ADAMTS2: variants seen among roughly 807,000 people sequenced by gnomAD.
The protein encoded by ADAMTS2 is ADAM metallopeptidase with thrombospondin type 1 motif 2.
Under a neutral mutation model 123.0 loss-of-function variants are expected in ADAMTS2, and 50 were observed. The observed-to-expected ratio is 0.41, with a 90% CI of 0.32 to 0.51. The LOEUF (loss-of-function observed/expected upper bound fraction) is 0.51, where lower values mean the gene tolerates loss of function less well. Among genes scored for constraint, ADAMTS2 ranks in the 20% least tolerant of loss-of-function variants. The pLI is 0.35. For synonymous variants in ADAMTS2, 678 were observed against 695.4 expected (o/e 0.98, Z 0.39); for missense variants, 1,494 against 1,705.2 (o/e 0.88, Z 2.18).
chr5:179,215,292 T>C (rs1003064341), intron 3 of ADAMTS2, among the ~76,000 whole-genome samples: 2 of 151,920 alleles, frequency 1.3e-5, no homozygotes. Context: ...CTACTAAAAA[T>C]ACAAAATTAG....
rs190722452 is a variant in ADAMTS2, at chr5:179,140,027, A to G, written c.1638T>C (p.Phe546=). 6.2e-7 allele frequency: 1 copy of G among 1,614,018 alleles called. No individual in the cohort carries two copies. The highest frequency in any genetic ancestry group is 2.2e-5 in the East Asian group (1 of 44,876). The change falls in exon 11 of 22, where the codon TTT becomes TTC. Residue 546 remains phenylalanine (F), a synonymous_variant. Coordinates refer to ENST00000251582, the MANE Select transcript of ADAMTS2 (RefSeq NM_014244.5). The part of the protein sequence containing the change: ...GTMCAPGKHC[F]KGHCIWLTPD... The stretch of plus-strand genomic sequence containing the variant: ...GTGTCAGCCAGATGCAGTGTCCTTT[A>G]AAACAATGCTGAAAGACAGGAAGCC...
In ADAMTS2 at chr5:179,158,581, C is replaced by A; in HGVS notation, c.1132+142G>T. On this transcript the variant is annotated intron_variant, in intron 6 of 21. Coordinates refer to ENST00000251582, the MANE Select transcript of ADAMTS2 (RefSeq NM_014244.5). This position sits in a 1 kb window ranked among gnomAD's most constrained non-coding sequence, Gnocchi z 5.0. ...TTGTCCATCAGTGCACTGCCCCACA[C>A]CCTCACCCAGCTAAGGTGGCCACGG... The A allele has an allele frequency of 9.3e-7, 1 of 1,077,462 alleles. No homozygotes were observed. The highest frequency in any genetic ancestry group is 1.4e-6 in the Non-Finnish European group (1 of 719,154). The allele number at this position is 1,077,462 out of a possible 1,614,324, so 66.7% of individuals were successfully genotyped here.
intron 2 of ADAMTS2, among the ~76,000 whole-genome samples, chr5:179,319,268 C>T (rs116091143): frequency 5.8e-4 from 88 of 152,330 alleles, no homozygotes; most frequent in African/African-American, 2.0e-3. Context: ...CACATGTGCA[C>T]TACACACAAG....
intron 2 of ADAMTS2, among the ~76,000 whole-genome samples, chr5:179,286,505 C>T (rs1213842224): frequency 6.6e-6 from 1 of 152,060 alleles, no homozygotes; most frequent in African/African-American, 2.4e-5. Flanking sequence ...TGCTTCCTTA[C>T]CAGATTCCCC....
At chr5:179,126,703 A>G (rs1762865783) in intron 17 of ADAMTS2, among the ~76,000 whole-genome samples, 1 of 152,242 alleles carries the variant, frequency 6.6e-6, no homozygotes. Context: ...GACAGAGCCC[A>G]AAATGTCAGT....
chr5:179,167,795 G>C (rs920076907), intron 5 of ADAMTS2, among the ~76,000 whole-genome samples: 6 of 152,230 alleles, frequency 3.9e-5, no homozygotes, highest in African/African-American at 1.4e-4. Context: ...CTGCAGCTCC[G>C]AGCTTGGAGC....
rs1763059472 is a variant in ADAMTS2 at position 179,135,917 on chromosome 5, C to A, written c.2077G>T (p.Asp693Tyr). The A allele has an allele frequency of 1.2e-6, 2 of 1,613,196 alleles. No homozygotes were observed. Among genetic ancestry groups the A allele is most frequent in the Non-Finnish European group, 1.7e-6 (2 of 1,180,026 alleles). ...KDAFSLCVRG[D>Y]CRKVGCDGVI... Reference sequence around the variant, plus strand: ...GGCCTCTGTGTACTCACCCTGCAGTCCCCGCGCACACAGAGGCTGAAGGCG... The same window carrying A: ...GGCCTCTGTGTACTCACCCTGCAGTACCCGCGCACACAGAGGCTGAAGGCG... Residue 693 changes from aspartate to tyrosine, a missense_variant, in exon 13 of 22, where the codon GAC (aspartate) becomes TAC (tyrosine). Physicochemically the swap from Asp to Tyr is radical, Grantham distance 160 (BLOSUM62 -3). This residue lies in a region of ADAMTS2 where 953 missense variants were observed against 1,124.7 expected (regional missense o/e 0.85). Transcript: ENST00000251582.
At chr5:179,299,918 C>T (rs1347947584) in intron 2 of ADAMTS2, among the ~76,000 whole-genome samples, 6 of 151,826 alleles carry the variant, frequency 4.0e-5, no homozygotes, top group Non-Finnish European at 5.9e-5. Context: ...CACAGTGAAA[C>T]CCCGTCTCTA....
chr5:179,161,248 G>T (rs746136002), intron 5 of ADAMTS2, among the ~76,000 whole-genome samples: 1 of 152,164 alleles, frequency 6.6e-6, no homozygotes, highest in Non-Finnish European at 1.5e-5. Context: ...GGAATCGGGC[G>T]AAAGAATGTC....
At chr5:179,329,458 G>A (rs1245255718) in intron 2 of ADAMTS2, among the ~76,000 whole-genome samples, 2 of 152,056 alleles carry the variant, frequency 1.3e-5, no homozygotes, top group African/African-American at 4.8e-5. Context: ...AACGAATGGT[G>A]TTGAGACAAC....
intron 2 of ADAMTS2, among the ~76,000 whole-genome samples, chr5:179,279,155 T>G (rs1766823721): frequency 6.6e-6 from 1 of 151,850 alleles, no homozygotes; most frequent in Non-Finnish European, 1.5e-5. Flanking sequence ...GGTCTGTCAC[T>G]CAACCTTGTC....
chr5:179,258,471 C>T lies in ADAMTS2; in HGVS notation c.688+14440G>A, dbSNP rs116279268. Among the ~76,000 whole-genome samples, 700 of 152,274 alleles carry T rather than the reference C, an allele frequency of 4.6e-3. 8 individuals are homozygous for T. The highest frequency in any genetic ancestry group is 0.016 in the African/African-American group (663 of 41,542). The stretch of plus-strand genomic sequence containing the variant: ...CTCCATCCCTCCAAGCCTGGCCACC[C>T]CAGCCTCGGCCCCAGCTCCTGCCAC... On this transcript the variant is annotated intron_variant, in intron 3 of 21. Transcript: ENST00000251582.
chr5:179,295,538 C>A (rs1055859499), intron 2 of ADAMTS2, among the ~76,000 whole-genome samples: 1 of 152,194 alleles, frequency 6.6e-6, no homozygotes, highest in Non-Finnish European at 1.5e-5. Flanking sequence ...TGTAGCCCGA[C>A]CAGGCAGCCC....
At chr5:179,251,578 G>A (rs1458800705) in intron 3 of ADAMTS2, among the ~76,000 whole-genome samples, 5 of 152,182 alleles carry the variant, frequency 3.3e-5, no homozygotes, top group Admixed American at 6.5e-5. Flanking sequence ...ACCTAGCCCC[G>A]GCCCTCCAGG....
intron 10 of ADAMTS2, 48 bp from the exon 11 acceptor site, chr5:179,140,083 TG>T (rs759880168): frequency 2.5e-6 from 4 of 1,612,468 alleles, no homozygotes; most frequent in Non-Finnish European, 3.4e-6. Flanking sequence ...CACCGGGCCG[TG>T]GGGACAGTCC....
rs1561674483 is a variant in ADAMTS2 at position 179,277,320 on chromosome 5, CA to C, written c.535-4257del. Among the ~76,000 whole-genome samples the C allele has an allele frequency of 6.2e-3, 390 of 62,452 alleles. 130 individuals carry two copies. Among genetic ancestry groups the C allele is most frequent in the African/African-American group, 0.016 (300 of 19,272 alleles). 41.0% of individuals were successfully genotyped at this position (62,452 alleles called of 152,430 possible). A position where few individuals can be genotyped will look rare whatever the true frequency, so the allele number is the denominator to read the frequency against. On this transcript the variant is annotated intron_variant, in intron 2 of 21. Transcript: ENST00000251582. Reference sequence around the variant, plus strand: ...CACCTGCCCCGAGACCAAAGGCTGACACCCCGAGACCAAAGGCTGACCCCCC... The same window carrying C: ...CACCTGCCCCGAGACCAAAGGCTGACCCCCGAGACCAAAGGCTGACCCCCC...
intron 2 of ADAMTS2, among the ~76,000 whole-genome samples, chr5:179,281,930 T>C (rs971843660): frequency 7.2e-5 from 11 of 152,276 alleles, no homozygotes; most frequent in Non-Finnish European, 1.3e-4. Flanking sequence ...CATGAGCTTA[T>C]AGGTCATTTA....
At chr5:179,319,423 A>G (rs879731311) in intron 2 of ADAMTS2, among the ~76,000 whole-genome samples, 5 of 152,104 alleles carry the variant, frequency 3.3e-5, no homozygotes, top group Non-Finnish European at 7.4e-5. Context: ...CATCAAGCAC[A>G]TGCATTATAC....
chr5:179,130,429 C>T lies in ADAMTS2; in HGVS notation c.2291-331G>A, dbSNP rs1430637859. Among the ~76,000 whole-genome samples, 1 of 152,222 alleles carries T rather than the reference C, an allele frequency of 6.6e-6. No individual in the cohort carries two copies. The highest frequency in any genetic ancestry group is 6.5e-5 in the Admixed American group (1 of 15,276). ...GAGCACTCAGTGGGCGCTTAGAGGC[C>T]ACCCGGGGCAGGATGGCTGGGAGGG... On this transcript the variant is annotated intron_variant, in intron 15 of 21. Coordinates refer to ENST00000251582, the MANE Select transcript of ADAMTS2 (RefSeq NM_014244.5). The surrounding 1 kb of genome is among the most constrained non-coding windows in gnomAD (Gnocchi z 4.3).
Sources: allele counts gnomAD v4.1 joint callset (sites outside exome capture counted in the v4.1 genomes callset), GRCh38; gene constraint gnomAD v4.1.1; regional missense constraint gnomAD v4.1.1; non-coding constraint Gnocchi (gnomAD v3.1); transcripts MANE v1.5; gene names NCBI Gene and HGNC (gene_info 2026-07-23, HGNC 2026-07-21).